Variants in ST3GAL3 observed in about 807,000 individuals in gnomAD.
ST3GAL3 encodes CMP-N-acetylneuraminate-beta-1,4-galactoside alpha-2,3-sialyltransferase.
Under a neutral mutation model 50.1 loss-of-function variants are expected in ST3GAL3, and 21 were observed. The ratio of observed to expected loss-of-function variants is 0.42; its 90% CI spans 0.30 to 0.60. The LOEUF (loss-of-function observed/expected upper bound fraction) is 0.60, where lower values mean the gene tolerates loss of function less well. Among genes scored for constraint, ST3GAL3 ranks in the 20% least tolerant of loss-of-function variants. The probability of loss-of-function intolerance (pLI) is 0.19; values close to 1 mark genes in which losing one functional copy is unlikely to be tolerated. For missense variants in ST3GAL3, 353 were observed against 489.4 expected (o/e 0.72, Z 2.63); for synonymous variants, 183 against 190.0 (o/e 0.96, Z 0.30).
Position 43,736,237 on chromosome 1 carries a change from T to C in ST3GAL3, c.-26T>C. ...ACTAAACTTTTTCTTTTCTAGGTCA[T>C]TTAGGAAATCGTAAATCATGTGAAG... On this transcript the variant is annotated 5_prime_UTR_variant, in exon 2 of 12. Transcript: ENST00000347631. 6.2e-7 allele frequency: 1 copy of C among 1,614,080 alleles called. No individual in the cohort carries two copies. Among genetic ancestry groups the C allele is most frequent in the African/African-American group, 1.3e-5 (1 of 75,064 alleles).
chr1:43,788,122 A>G (rs1461058444), intron 2 of ST3GAL3, among the ~76,000 whole-genome samples: 1 of 152,254 alleles, frequency 6.6e-6, no homozygotes, highest in Non-Finnish European at 1.5e-5. Context: ...AAATTTTACA[A>G]AAATGCAGAG....
intron 4 of ST3GAL3, 40 bp from the exon 5 acceptor site, chr1:43,838,179 C>A: frequency 1.4e-6 from 2 of 1,446,798 alleles, no homozygotes. Context: ...ACTCAGTGCT[C>A]AGTGCCTGGC....
chr1:43,778,728 C>G (rs1042463185), intron 2 of ST3GAL3, among the ~76,000 whole-genome samples: 39 of 145,896 alleles, frequency 2.7e-4, no homozygotes, highest in Admixed American at 1.1e-3. Context: ...TCACTGCAAG[C>G]TCCGCCTCCC....
intron 2 of ST3GAL3, among the ~76,000 whole-genome samples, chr1:43,740,370 C>T (rs1302063544): frequency 6.6e-6 from 1 of 151,602 alleles, no homozygotes; most frequent in East Asian, 1.9e-4. Context: ...TTTCTCTTTG[C>T]TCTGATGCTT....
intron 5 of ST3GAL3, among the ~76,000 whole-genome samples, chr1:43,888,170 C>T (rs538364132): frequency 2.0e-5 from 3 of 152,262 alleles, no homozygotes; most frequent in East Asian, 1.9e-4. Context: ...AAAATTGGAT[C>T]TGGTCTTTAA....
chr1:43,713,355 G>A (rs1665709579), intron 1 of ST3GAL3, among the ~76,000 whole-genome samples: 1 of 152,002 alleles, frequency 6.6e-6, no homozygotes. Context: ...AGGATTGGAG[G>A]GAATAGGTGT....
chr1:43,899,299 G>A lies in ST3GAL3; in HGVS notation c.557+36G>A, dbSNP rs112119163. On this transcript the variant is annotated intron_variant, in intron 8 of 11. Coordinates refer to ENST00000347631, the MANE Select transcript of ST3GAL3 (RefSeq NM_006279.5). The surrounding 1 kb of genome is among the most constrained non-coding windows in gnomAD (Gnocchi z 5.4). ...CAAAATGGCACCTCGGGTGAGTGTCGTGGCCCCAACCCTTAGTCCTGAGCC... is the reference window on the plus strand; with the variant it reads ...CAAAATGGCACCTCGGGTGAGTGTCATGGCCCCAACCCTTAGTCCTGAGCC... 8.8e-5 allele frequency: 142 copies of A among 1,614,112 alleles called. 1 individual carries two copies. The African/African-American group carries it at 8.9e-4, about 10-fold the overall frequency.
chr1:43,810,415 G>A (rs767518338), intron 3 of ST3GAL3, among the ~76,000 whole-genome samples: 6 of 152,152 alleles, frequency 3.9e-5, no homozygotes, highest in Non-Finnish European at 8.8e-5. Context: ...GGTTGGAATC[G>A]TGAGTCAGAG....
intron 4 of ST3GAL3, among the ~76,000 whole-genome samples, chr1:43,827,166 TTGTCTA>T (rs1427022089): frequency 6.6e-6 from 1 of 152,130 alleles, no homozygotes; most frequent in Non-Finnish European, 1.5e-5. Context: ...GATGACATGA[TTGTCTA>T]TGTAGAAAAT....
At chr1:43,797,805 A>G (rs991503968) in intron 3 of ST3GAL3, among the ~76,000 whole-genome samples, 1 of 152,222 alleles carries the variant, frequency 6.6e-6, no homozygotes. Context: ...AACCGTTTTC[A>G]TAGATGACAT....
At chr1:43,903,186 CAG>C (rs943648354) in intron 9 of ST3GAL3, among the ~76,000 whole-genome samples, 7 of 152,120 alleles carry the variant, frequency 4.6e-5, no homozygotes, top group Admixed American at 2.6e-4. Context: ...GGTGGTGTGT[CAG>C]AGTGTGCTGC....
At chr1:43,904,960 T>C (rs1213860313) in intron 9 of ST3GAL3, among the ~76,000 whole-genome samples, 2 of 6,662 alleles carry the variant, frequency 3.0e-4, no homozygotes, top group African/African-American at 6.4e-4. Flanking sequence ...CCACTCTTCC[T>C]CCCCTTCCTG....
intron 2 of ST3GAL3, among the ~76,000 whole-genome samples, chr1:43,741,630 C>A (rs1680965847): frequency 6.6e-6 from 1 of 152,108 alleles, no homozygotes; most frequent in Non-Finnish European, 1.5e-5. Context: ...GCATTTCTGG[C>A]CATGTTTCTG....
At chr1:43,810,727 A>G (rs1296704195) in intron 3 of ST3GAL3, among the ~76,000 whole-genome samples, 1 of 152,068 alleles carries the variant, frequency 6.6e-6, no homozygotes, top group African/African-American at 2.4e-5. Context: ...GCCTTTCCCC[A>G]GGAGTTTCGC....
At chr1:43,827,830 C>G (rs2063023781) in intron 4 of ST3GAL3, among the ~76,000 whole-genome samples, 1 of 152,066 alleles carries the variant, frequency 6.6e-6, no homozygotes, top group Non-Finnish European at 1.5e-5. Flanking sequence ...GTTAAGATGT[C>G]AATTCTCTAC....
At chr1:43,882,812 C>T (rs904820604) in intron 5 of ST3GAL3, among the ~76,000 whole-genome samples, 5 of 152,138 alleles carry the variant, frequency 3.3e-5, no homozygotes, top group Non-Finnish European at 7.4e-5. Flanking sequence ...TGACCCTGTT[C>T]TGGGCTTGCA....
At chr1:43,910,111 G>A (rs1167264123) in intron 9 of ST3GAL3, among the ~76,000 whole-genome samples, 6 of 152,308 alleles carry the variant, frequency 3.9e-5, no homozygotes, top group Middle Eastern at 3.4e-3. Context: ...AAAAGTCTGT[G>A]CACAAAGATT....
At chr1:43,723,864 G>A (rs766862843) in intron 1 of ST3GAL3, among the ~76,000 whole-genome samples, 2 of 152,044 alleles carry the variant, frequency 1.3e-5, no homozygotes, top group Admixed American at 1.3e-4. Flanking sequence ...TGCCCGCCTC[G>A]GCCTCCCAAA....
At position 43,734,299 on chromosome 1, in the gene ST3GAL3, TTTTTTTTTG is replaced by T. The variant is rs1293153765; in HGVS notation, c.-30-1925_-30-1917del. On this transcript the variant is annotated intron_variant, in intron 1 of 11. Coordinates refer to ENST00000347631, the MANE Select transcript of ST3GAL3 (RefSeq NM_006279.5). ...TCTTCTCTTTCTTTCTTCTTCTTCTTTTTTTTTTGTTTTTTTTTTTTTTGAGACAGGGTC... is the reference window on the plus strand; with the variant it reads ...TCTTCTCTTTCTTTCTTCTTCTTCTTTTTTTTTTTTTTTTGAGACAGGGTC... Among the ~76,000 whole-genome samples, 167 of 116,904 alleles carry T rather than the reference TTTTTTTTTG, an allele frequency of 1.4e-3. 1 individual carries two copies. The highest frequency in any genetic ancestry group is 3.4e-3 in the Admixed American group (40 of 11,734). The allele number at this position is 116,904 out of a possible 152,430, so 76.7% of individuals were successfully genotyped here.
Sources: allele counts gnomAD v4.1 joint callset (sites outside exome capture counted in the v4.1 genomes callset), GRCh38; gene constraint gnomAD v4.1.1; non-coding constraint Gnocchi (gnomAD v3.1); transcripts MANE v1.5; gene names NCBI Gene and HGNC (gene_info 2026-07-23, HGNC 2026-07-21).